Variants in STX3 observed in about 807,000 individuals in gnomAD.
The protein encoded by STX3 is syntaxin-3.
STX3 carries 19 observed loss-of-function variants against 40.2 expected under a neutral mutation model. The observed-to-expected ratio is 0.47, with a 90% CI of 0.33 to 0.69. The LOEUF is 0.69. Ranked by LOEUF, STX3 falls within the 30% of genes least tolerant of loss-of-function variation. The pLI is 0.02. For missense variants in STX3, 364 were observed against 366.7 expected (o/e 0.99, Z 0.06); for synonymous variants, 122 against 132.2 (o/e 0.92, Z 0.53).
intron 2 of STX3, 145 bp from the exon 3 acceptor site, chr11:59,786,892 G>A: frequency 1.5e-6 from 1 of 645,224 alleles, no homozygotes; most frequent in South Asian, 1.9e-5. Context: ...GTACTCACTG[G>A]GCAGCTGAGG....
At chr11:59,770,236 G>T (rs577543251) in intron 1 of STX3, among the ~76,000 whole-genome samples, 3 of 150,520 alleles carry the variant, frequency 2.0e-5, no homozygotes, top group South Asian at 4.2e-4. Context: ...TGTAATGTAC[G>T]TGTGTAGGGT....
At position 59,801,287 on chromosome 11, in the gene STX3, G is replaced by A. The variant is rs1590839859; in HGVS notation, c.*463G>A. The A allele has an allele frequency of 1.0e-6, 1 of 1,003,774 alleles. No homozygotes were observed. Among genetic ancestry groups the A allele is most frequent in the Non-Finnish European group, 1.2e-6 (1 of 841,100 alleles). 62.2% of individuals were successfully genotyped at this position (1,003,774 alleles called of 1,614,324 possible). On this transcript the variant is annotated 3_prime_UTR_variant, in exon 11 of 11. Coordinates refer to ENST00000337979, the MANE Select transcript of STX3 (RefSeq NM_004177.5). Reference sequence around the variant, plus strand: ...ATTCTTCTAAGTTTGGCAACAAGAAGGCTTGGATCTGAGTCTTCTACCTGG... The same window carrying A: ...ATTCTTCTAAGTTTGGCAACAAGAAAGCTTGGATCTGAGTCTTCTACCTGG...
chr11:59,781,069 C>T (rs1029518745), intron 2 of STX3, among the ~76,000 whole-genome samples: 2 of 149,046 alleles, frequency 1.3e-5, no homozygotes, highest in Non-Finnish European at 3.0e-5. Context: ...CCTCCCTTTT[C>T]ATCAACATTT....
At chr11:59,789,816 T>G (rs1312449434) in intron 4 of STX3, among the ~76,000 whole-genome samples, 1 of 152,204 alleles carries the variant, frequency 6.6e-6, no homozygotes, top group East Asian at 1.9e-4. Context: ...CAGATATTTC[T>G]TGGTGGGCTA....
At chr11:59,790,044 A>G (rs1372245857) in intron 4 of STX3, among the ~76,000 whole-genome samples, 1 of 152,198 alleles carries the variant, frequency 6.6e-6, no homozygotes, top group Non-Finnish European at 1.5e-5. Flanking sequence ...CCCCCCAAGT[A>G]TATTGCAATA....
chr11:59,790,607 A>T, intron 5 of STX3, 21 bp downstream of exon 5: 1 of 1,582,184 alleles, frequency 6.3e-7, no homozygotes, highest in South Asian at 1.1e-5. Context: ...TCCTGGTCTC[A>T]TGATTAGCTA....
intron 2 of STX3, among the ~76,000 whole-genome samples, chr11:59,776,981 G>A (rs923851333): frequency 1.3e-5 from 2 of 152,182 alleles, no homozygotes; most frequent in African/African-American, 4.8e-5. Flanking sequence ...TTATTTTTCT[G>A]TATTCGTTTA....
chr11:59,761,190 G>T (rs1229606901), intron 1 of STX3, among the ~76,000 whole-genome samples: 1 of 152,194 alleles, frequency 6.6e-6, no homozygotes, highest in African/African-American at 2.4e-5. Flanking sequence ...TGACATGGAA[G>T]GTTGCCCCTA....
chr11:59,765,752 C>T (rs996410354), intron 1 of STX3, among the ~76,000 whole-genome samples: 5 of 152,038 alleles, frequency 3.3e-5, no homozygotes, highest in Admixed American at 2.6e-4. Flanking sequence ...TGCAGTGAGC[C>T]GAGATTGCAC....
chr11:59,783,371 T>C (rs1864541613), intron 2 of STX3, among the ~76,000 whole-genome samples: 2 of 152,348 alleles, frequency 1.3e-5, no homozygotes, highest in African/African-American at 4.8e-5. Context: ...TTTGCCTCTT[T>C]CTGCAGTATA....
chr11:59,789,148 G>C lies in STX3; in HGVS notation c.289+201G>C, dbSNP rs973894378. 8.6e-6 allele frequency: 4 copies of C among 465,594 alleles called. No homozygotes were observed. In the South Asian group the frequency reaches 9.9e-5, roughly 12 times the overall value. The allele number at this position is 465,594 out of a possible 1,614,324, so 28.8% of individuals were successfully genotyped here. A position where few individuals can be genotyped will look rare whatever the true frequency, so the allele number is the denominator to read the frequency against. On this transcript the variant is annotated intron_variant, in intron 4 of 10. Coordinates refer to ENST00000337979, the MANE Select transcript of STX3 (RefSeq NM_004177.5). Reference sequence around the variant, plus strand: ...CTTTTCTTAAATCCTGACTGTACTGGAAAGAGTCCAGAATTGAAGCTAGGA... The same window carrying C: ...CTTTTCTTAAATCCTGACTGTACTGCAAAGAGTCCAGAATTGAAGCTAGGA...
chr11:59,767,590 C>T (rs1410035530), intron 1 of STX3, among the ~76,000 whole-genome samples: 1 of 152,170 alleles, frequency 6.6e-6, no homozygotes, highest in Non-Finnish European at 1.5e-5. Context: ...GCTGCTAGCT[C>T]CAGTTTCATG....
At chr11:59,768,517 G>T (rs960539811) in intron 1 of STX3, among the ~76,000 whole-genome samples, 3 of 152,196 alleles carry the variant, frequency 2.0e-5, no homozygotes, top group South Asian at 2.1e-4. Flanking sequence ...ACTATTGATG[G>T]TGGTTGGGAA....
intron 1 of STX3, among the ~76,000 whole-genome samples, chr11:59,758,780 C>T (rs1266851903): frequency 6.6e-6 from 1 of 152,206 alleles, no homozygotes; most frequent in Non-Finnish European, 1.5e-5. Flanking sequence ...CTGCTGAGTC[C>T]AGACAGTTCC....
intron 5 of STX3, among the ~76,000 whole-genome samples, chr11:59,790,789 A>G (rs567051923): frequency 6.6e-6 from 1 of 152,130 alleles, no homozygotes; most frequent in Admixed American, 6.5e-5. Flanking sequence ...CTCCTTCTCT[A>G]AGGAGGCCCC....
intron 1 of STX3, among the ~76,000 whole-genome samples, chr11:59,772,674 G>GT (rs1390021258): frequency 6.6e-6 from 1 of 152,162 alleles, no homozygotes; most frequent in East Asian, 1.9e-4. Flanking sequence ...CTGTTGCCAT[G>GT]TTTTAGCTGT....
At chr11:59,762,821 C>A (rs12801285) in intron 1 of STX3, among the ~76,000 whole-genome samples, 1 of 152,168 alleles carries the variant, frequency 6.6e-6, no homozygotes, top group Admixed American at 6.5e-5. Flanking sequence ...TGAATGGCTC[C>A]TGGGATGAGA....
chr11:59,795,253 C>G (rs954480156), intron 8 of STX3, 119 bp from the exon 9 acceptor site: 35 of 798,680 alleles, frequency 4.4e-5, no homozygotes, highest in Non-Finnish European at 6.5e-5. Context: ...GGCCATGCAT[C>G]AAGGTTTGTG....
chr11:59,781,616 C>T (rs1864387453), intron 2 of STX3: 2 of 1,613,706 alleles, frequency 1.2e-6, no homozygotes, highest in Admixed American at 1.7e-5. Context: ...CCATTGCGCC[C>T]ATTTTTCGCA....
Sources: gnomAD v4.1 joint callset for allele counts (sites outside exome capture counted in the v4.1 genomes callset) on GRCh38, gnomAD v4.1.1 for gene constraint, MANE v1.5 for transcripts, NCBI Gene and HGNC (gene_info 2026-07-23, HGNC 2026-07-21) for gene names.